The following ATF7IP variants were observed in gnomAD, a reference collection of about 807,000 sequenced individuals.
ATF7IP encodes activating transcription factor 7-interacting protein 1.
Under a neutral mutation model 106.4 loss-of-function variants are expected in ATF7IP, and 23 were observed. The ratio of observed to expected loss-of-function variants is 0.22; its 90% confidence interval spans 0.16 to 0.31. ATF7IP has a LOEUF of 0.31. ATF7IP is among the 10% of genes least tolerant of loss of function. ATF7IP has a pLI of 1.00. For missense variants in ATF7IP, 1,334 were observed against 1,524.3 expected (o/e 0.88, Z 2.08); for synonymous variants, 542 against 539.0 (o/e 1.01, Z -0.08).
In ATF7IP at chr12:14,496,303, C is replaced by T; in HGVS notation, c.3353C>T (p.Pro1118Leu). 1 of 1,613,912 alleles carries T rather than the reference C, an allele frequency of 6.2e-7. No homozygotes were observed. Among genetic ancestry groups the T allele is most frequent in the Non-Finnish European group, 8.5e-7 (1 of 1,179,900 alleles). Residue 1118 changes from proline (P) to leucine (L), a missense_variant, in exon 14 of 15, where the codon CCT becomes CTT. Pro to Leu is a moderately conservative substitution (Grantham distance 98, BLOSUM62 -3). This residue lies in a region of ATF7IP where 370 missense variants were observed against 401.2 expected (regional missense o/e 0.92). Coordinates refer to ENST00000261168, the MANE Select transcript of ATF7IP (RefSeq NM_018179.5). ...GGACTAACCCTGGGATCAACAGGAC[C>T]TCAGCTCACAGTGCATCACCGACCA... ...NNGLTLGSTG[P>L]QLTVHHRPPQ...
At chr12:14,490,644 C>T (rs1030998913) in intron 13 of ATF7IP, among the ~76,000 whole-genome samples, 3 of 152,118 alleles carry the variant, frequency 2.0e-5, no homozygotes, top group Non-Finnish European at 4.4e-5. Context: ...TGAACCAGGA[C>T]CTAGTCTTAA....
At chr12:14,388,016 T>C (rs1939335245) in intron 1 of ATF7IP, among the ~76,000 whole-genome samples, 1 of 32,030 alleles carries the variant, frequency 3.1e-5, no homozygotes, top group Non-Finnish European at 6.2e-5. Flanking sequence ...CATTCTTTCT[T>C]TTTTTTTTTT....
intron 1 of ATF7IP, chr12:14,416,795 T>G (rs1257869381): frequency 4.6e-6 from 2 of 435,380 alleles, no homozygotes; most frequent in Non-Finnish European, 6.1e-6. Flanking sequence ...GACACTGATG[T>G]CTGATTGGTT....
intron 6 of ATF7IP, among the ~76,000 whole-genome samples, chr12:14,453,239 A>G (rs1196821613): frequency 6.6e-6 from 1 of 151,908 alleles, no homozygotes; most frequent in Non-Finnish European, 1.5e-5. Flanking sequence ...TTGCATCTCC[A>G]TTTTCTTCTT....
chr12:14,479,257 AC>A (rs1420944191), intron 12 of ATF7IP, among the ~76,000 whole-genome samples: 1 of 152,226 alleles, frequency 6.6e-6, no homozygotes, highest in African/African-American at 2.4e-5. Context: ...GACTGATCAA[AC>A]AACAATTTTT....
intron 2 of ATF7IP, among the ~76,000 whole-genome samples, chr12:14,430,290 A>G (rs1942053256): frequency 6.6e-6 from 1 of 152,200 alleles, no homozygotes; most frequent in Non-Finnish European, 1.5e-5. Flanking sequence ...ATGGAAGAGA[A>G]GTATTTAACA....
chr12:14,427,763 C>T (rs1183847566), intron 2 of ATF7IP, among the ~76,000 whole-genome samples: 15 of 152,070 alleles, frequency 9.9e-5, no homozygotes, highest in Non-Finnish European at 4.4e-5. Context: ...ATTAGTCCAT[C>T]AGGAAATTCT....
intron 6 of ATF7IP, 31 bp downstream of exon 6, chr12:14,447,084 AT>A: frequency 6.7e-7 from 1 of 1,490,636 alleles, no homozygotes; most frequent in Non-Finnish European, 9.1e-7. Flanking sequence ...CATAATTAAT[AT>A]TTAGCACTAA....
chr12:14,441,347 T>C (rs933482746), intron 5 of ATF7IP, among the ~76,000 whole-genome samples: 2 of 152,206 alleles, frequency 1.3e-5, no homozygotes, highest in Admixed American at 1.3e-4. Context: ...GTTGATCAAC[T>C]TTTCATGTAC....
At chr12:14,373,747 G>A (rs1938619617) in intron 1 of ATF7IP, among the ~76,000 whole-genome samples, 1 of 152,074 alleles carries the variant, frequency 6.6e-6, no homozygotes, top group Non-Finnish European at 1.5e-5. Flanking sequence ...TTCAGTTATA[G>A]TATAACTGTA....
intron 1 of ATF7IP, among the ~76,000 whole-genome samples, chr12:14,388,169 C>T (rs1404622373): frequency 6.6e-6 from 1 of 151,952 alleles, no homozygotes; most frequent in African/African-American, 2.4e-5. Context: ...CCTGTCTCAG[C>T]CTCCCGAGTA....
intron 13 of ATF7IP, among the ~76,000 whole-genome samples, chr12:14,495,523 G>T (rs543887722): frequency 6.6e-6 from 1 of 152,316 alleles, no homozygotes; most frequent in South Asian, 2.1e-4. Flanking sequence ...CCAGGAACCA[G>T]GCCGAACTAC....
At chr12:14,442,608 A>G (rs941241417) in intron 5 of ATF7IP, among the ~76,000 whole-genome samples, 1 of 152,206 alleles carries the variant, frequency 6.6e-6, no homozygotes, top group Non-Finnish European at 1.5e-5. Context: ...TTTCAGAACA[A>G]TTTCCTGTTA....
chr12:14,369,233 A>G (rs1219173292), intron 1 of ATF7IP: 1 of 152,022 alleles, frequency 6.6e-6, no homozygotes, highest in African/African-American at 2.4e-5. Flanking sequence ...GATTACAAGC[A>G]TGAGCCACCA....
intron 6 of ATF7IP, among the ~76,000 whole-genome samples, chr12:14,454,827 ATTC>A (rs962043464): frequency 2.9e-4 from 44 of 152,190 alleles, no homozygotes; most frequent in African/African-American, 1.1e-3. Context: ...CTATGCTTTT[ATTC>A]TTCTTGTTTT....
At chr12:14,391,137 G>A (rs1006950856) in intron 1 of ATF7IP, among the ~76,000 whole-genome samples, 1 of 152,184 alleles carries the variant, frequency 6.6e-6, no homozygotes, top group Non-Finnish European at 1.5e-5. Context: ...AATTGCTCAG[G>A]TTAGAACTCT....
rs537731707 is a variant in ATF7IP at position 14,485,977 on chromosome 12, T to C, written c.3280+4792T>C. 5.9e-5 allele frequency among the ~76,000 whole-genome samples: 9 copies of C among 152,284 alleles called. No individual in the cohort carries two copies. In the East Asian group the frequency reaches 1.7e-3, roughly 29 times the overall value. On this transcript the variant is annotated intron_variant, in intron 13 of 14. Transcript: ENST00000261168. ...CACTAATCTCCTCAGTACCTCCAGG[T>C]ATGGGATATAGTTTTTGATTTACTA...
chr12:14,492,882 G>A (rs35851976), intron 13 of ATF7IP, among the ~76,000 whole-genome samples: 4,743 of 150,360 alleles, frequency 0.032, 33 homozygotes, highest in Middle Eastern at 0.077. Context: ...GGGCTCTTCA[G>A]AGATTCAGGT....
chr12:14,473,624 C>T (rs1189356891), intron 10 of ATF7IP, among the ~76,000 whole-genome samples: 2 of 151,984 alleles, frequency 1.3e-5, no homozygotes, highest in Non-Finnish European at 2.9e-5. Context: ...TTCTGGTCCT[C>T]TTCTTCCTAT....
Sources: allele counts gnomAD v4.1 joint callset (sites outside exome capture counted in the v4.1 genomes callset), GRCh38; gene constraint gnomAD v4.1.1; regional missense constraint gnomAD v4.1.1; transcripts MANE v1.5; gene names NCBI Gene and HGNC (gene_info 2026-07-23, HGNC 2026-07-21).